The following NRG1 variants were observed in gnomAD, a reference collection of about 807,000 sequenced individuals.
NRG1 encodes the protein neuregulin 1.
Under a neutral mutation model 63.8 loss-of-function variants are expected in NRG1, and 18 were observed. The ratio of observed to expected loss-of-function variants is 0.28; its 90% CI spans 0.19 to 0.42. The LOEUF is 0.42. Ranked by LOEUF, NRG1 falls within the 10% of genes least tolerant of loss-of-function variation. The pLI is 1.00. For synonymous variants in NRG1, 302 were observed against 301.3 expected, an observed-to-expected ratio of 1.00 and a Z score of -0.02; for missense variants, 762 against 814.7, an observed-to-expected ratio of 0.94 and a Z score of 0.79.
At chr8:32,743,593 T>TATATATATATATATAA (rs1826865102) in intron 7 of NRG1, among the ~76,000 whole-genome samples, 1 of 145,902 alleles carries the variant, frequency 6.9e-6, no homozygotes. Flanking sequence ...TATATATATA[T>TATATATATATATATAA]ATAAAACTTA....
At chr8:32,420,521 ATC>A (rs200897595) in intron 1 of NRG1, among the ~76,000 whole-genome samples, 24 of 145,772 alleles carry the variant, frequency 1.6e-4, no homozygotes, top group South Asian at 2.2e-4. Context: ...GACCACCCTC[ATC>A]TCTCTCTCTC....
At chr8:32,095,624 C>T (rs1829800987) in intron 1 of NRG1, among the ~76,000 whole-genome samples, 1 of 152,156 alleles carries the variant, frequency 6.6e-6, no homozygotes, top group Admixed American at 6.5e-5. Context: ...GAATAAATAA[C>T]TCTATGCCTT....
intron 1 of NRG1, among the ~76,000 whole-genome samples, chr8:32,250,350 A>G (rs1848975359): frequency 6.6e-6 from 1 of 152,118 alleles, no homozygotes; most frequent in African/African-American, 2.4e-5. Context: ...ATGGCCTAGT[A>G]TTTGATGAGA....
At chr8:31,840,767 T>C (rs763468793) in intron 1 of NRG1, among the ~76,000 whole-genome samples, 2 of 152,184 alleles carry the variant, frequency 1.3e-5, no homozygotes, top group Non-Finnish European at 2.9e-5. Flanking sequence ...AGCTGGTATA[T>C]GTAGAGCAAC....
intron 1 of NRG1, among the ~76,000 whole-genome samples, chr8:32,559,573 G>A (rs775941210): frequency 6.6e-6 from 1 of 152,020 alleles, no homozygotes; most frequent in Non-Finnish European, 1.5e-5. Context: ...ATGGATACAG[G>A]CTTTCTTTTC....
At chr8:32,198,981 G>A (rs1843232051) in intron 1 of NRG1, among the ~76,000 whole-genome samples, 1 of 151,562 alleles carries the variant, frequency 6.6e-6, no homozygotes, top group African/African-American at 2.4e-5. Context: ...CTTGTATTTA[G>A]TATTTACATT....
chr8:32,744,621 A>G (rs1386860900), intron 7 of NRG1, among the ~76,000 whole-genome samples: 1 of 152,136 alleles, frequency 6.6e-6, no homozygotes, highest in African/African-American at 2.4e-5. Context: ...AATGCAGTAA[A>G]ATCATATTTT....
intron 1 of NRG1, among the ~76,000 whole-genome samples, chr8:31,832,986 A>G (rs1825314028): frequency 6.6e-6 from 1 of 152,188 alleles, no homozygotes; most frequent in Non-Finnish European, 1.5e-5. Context: ...CAAAATTTGC[A>G]AAGATACGGT....
At chr8:32,078,658 G>T (rs186994406) in intron 1 of NRG1, among the ~76,000 whole-genome samples, 10 of 152,122 alleles carry the variant, frequency 6.6e-5, no homozygotes, top group Admixed American at 3.9e-4. Context: ...TTTATGAATG[G>T]GTGTCTCTCC....
At chr8:32,507,014 G>A (rs1179908386) in intron 1 of NRG1, among the ~76,000 whole-genome samples, 4 of 151,936 alleles carry the variant, frequency 2.6e-5, no homozygotes, top group South Asian at 2.1e-4. Context: ...CATCCACTTC[G>A]TTCCAAAGAC....
intron 1 of NRG1, among the ~76,000 whole-genome samples, chr8:32,156,536 T>C: frequency 6.6e-6 from 1 of 152,212 alleles, no homozygotes; most frequent in East Asian, 1.9e-4. Context: ...AGGTGCAGGC[T>C]AAAATTCTAT....
chr8:32,365,196 C>T (rs890812289), intron 1 of NRG1, among the ~76,000 whole-genome samples: 13 of 151,944 alleles, frequency 8.6e-5, no homozygotes, highest in Admixed American at 3.9e-4. Context: ...CCCTGTATTT[C>T]CTTTACTTTG....
intron 1 of NRG1, among the ~76,000 whole-genome samples, chr8:32,496,224 T>C (rs1827181698): frequency 6.6e-6 from 1 of 152,138 alleles, no homozygotes; most frequent in African/African-American, 2.4e-5. Flanking sequence ...ATATTAGATG[T>C]TAGTAAAGTT....
At chr8:31,751,780 G>A (rs1258383768) in intron 1 of NRG1, among the ~76,000 whole-genome samples, 1 of 151,948 alleles carries the variant, frequency 6.6e-6, no homozygotes, top group Non-Finnish European at 1.5e-5. Context: ...AGAATTCATT[G>A]ATATGAAGAT....
At chr8:32,343,674 A>G (rs1240480445) in intron 1 of NRG1, among the ~76,000 whole-genome samples, 1 of 152,228 alleles carries the variant, frequency 6.6e-6, no homozygotes. Flanking sequence ...ATCATAATGA[A>G]TCAGAGGCTT....
rs556720132 is a variant in NRG1 at position 32,502,248 on chromosome 8, T to A, written c.38-93580T>A. On this transcript the variant is annotated intron_variant, in intron 1 of 10. Coordinates refer to the NRG1 transcript ENST00000519301. Reference sequence around the variant, plus strand: ...AGCAGGAGCAACAGAGGGTAAGGGGTCAGGTGCCACACAATTTTAAATGAC... The same window carrying A: ...AGCAGGAGCAACAGAGGGTAAGGGGACAGGTGCCACACAATTTTAAATGAC... 2.0e-4 allele frequency among the ~76,000 whole-genome samples: 30 copies of A among 151,338 alleles called. No homozygotes were observed. In the East Asian group the frequency reaches 5.8e-3, roughly 29 times the overall value.
chr8:32,551,712 C>T (rs1393061746), intron 1 of NRG1, among the ~76,000 whole-genome samples: 1 of 152,062 alleles, frequency 6.6e-6, no homozygotes, highest in Non-Finnish European at 1.5e-5. Context: ...GTCCCAAGCC[C>T]TTGGAGTCAT....
At chr8:32,149,882 T>A (rs573295552) in intron 1 of NRG1, among the ~76,000 whole-genome samples, 2 of 152,304 alleles carry the variant, frequency 1.3e-5, no homozygotes, top group African/African-American at 4.8e-5. Flanking sequence ...TTTAGAAACA[T>A]AAAATTCAAG....
At chr8:31,784,114 G>T (rs557992959) in intron 1 of NRG1, among the ~76,000 whole-genome samples, 2 of 152,194 alleles carry the variant, frequency 1.3e-5, no homozygotes, top group East Asian at 3.9e-4. Flanking sequence ...TAATGACTGT[G>T]CTGTACTCAT....
Sources: gnomAD v4.1 joint callset for allele counts (sites outside exome capture counted in the v4.1 genomes callset) on GRCh38, gnomAD v4.1.1 for gene constraint, MANE v1.5 for transcripts, NCBI Gene and HGNC (gene_info 2026-07-23, HGNC 2026-07-21) for gene names.